KIAA1217: variants seen among roughly 807,000 people sequenced by gnomAD.
KIAA1217 encodes the protein KIAA1217.
A neutral mutation model predicts 163.9 loss-of-function variants in KIAA1217; 88 were observed. That is an observed-to-expected ratio of 0.54 (90% CI 0.45 to 0.64). KIAA1217 has a LOEUF of 0.64. Ranked by LOEUF, KIAA1217 falls within the 30% of genes least tolerant of loss-of-function variation. The pLI is 0.00. For missense variants in KIAA1217, 2,372 were observed against 2,475.0 expected, an observed-to-expected ratio of 0.96 and a Z score of 0.88; for synonymous variants, 903 against 923.1, an observed-to-expected ratio of 0.98 and a Z score of 0.39.
At chr10:23,739,820 A>T (rs943348814) in intron 1 of KIAA1217, among the ~76,000 whole-genome samples, 1 of 152,214 alleles carries the variant, frequency 6.6e-6, no homozygotes, top group African/African-American at 2.4e-5. Flanking sequence ...TGGCAATTAC[A>T]GCAGGTGGGA....
intron 1 of KIAA1217, among the ~76,000 whole-genome samples, chr10:23,707,209 T>C (rs1446351724): frequency 1.3e-5 from 2 of 152,102 alleles, no homozygotes; most frequent in Non-Finnish European, 2.9e-5. Context: ...CCTGGTGCTG[T>C]GAGAGCATAT....
At chr10:24,134,761 G>C (rs2063774244) in intron 2 of KIAA1217, among the ~76,000 whole-genome samples, 1 of 152,080 alleles carries the variant, frequency 6.6e-6, no homozygotes, top group East Asian at 1.9e-4. Context: ...ATATTTTGTA[G>C]AGACAGGGTC....
chr10:23,769,800 TTA>T (rs1834715415), intron 1 of KIAA1217, among the ~76,000 whole-genome samples: 1 of 152,182 alleles, frequency 6.6e-6, no homozygotes, highest in African/African-American at 2.4e-5. Context: ...AAAATGTGTT[TTA>T]TCAAAGGAGT....
chr10:24,305,784 T>C (rs2041942294), intron 2 of KIAA1217, among the ~76,000 whole-genome samples: 1 of 152,200 alleles, frequency 6.6e-6, no homozygotes, highest in Non-Finnish European at 1.5e-5. Flanking sequence ...TCAGGACGTG[T>C]CATCTTTGTG....
At position 24,543,295 on chromosome 10, in the gene KIAA1217, C is replaced by T. The variant is rs142383483; in HGVS notation, c.4025C>T (p.Thr1342Met). 96 of 1,613,956 alleles carry T rather than the reference C, an allele frequency of 5.9e-5. 1 individual carries two copies. The highest frequency in any genetic ancestry group is 2.4e-4 in the South Asian group (22 of 91,076). ...AAAACAGAAGATCAAGAGGTTATCACGACAGATTTTGGCCAAGTTGTTCTA... is the reference window on the plus strand; with the variant it reads ...AAAACAGAAGATCAAGAGGTTATCATGACAGATTTTGGCCAAGTTGTTCTA... ...DFKTEDQEVITTDFGQVVLRP... is the reference protein window; with the variant it reads ...DFKTEDQEVIMTDFGQVVLRP... Residue 1342 changes from threonine (T) to methionine (M), a missense_variant, in exon 19 of 21, where the codon ACG becomes ATG. Thr to Met is a moderately conservative substitution (Grantham distance 81). Coordinates refer to ENST00000376454, the MANE Select transcript of KIAA1217 (RefSeq NM_019590.5).
At chr10:24,056,167 T>C (rs1209339461) in intron 2 of KIAA1217, among the ~76,000 whole-genome samples, 2 of 152,038 alleles carry the variant, frequency 1.3e-5, no homozygotes, top group African/African-American at 4.8e-5. Flanking sequence ...AAGGAAATCT[T>C]GAGTCCAAAG....
intron 1 of KIAA1217, among the ~76,000 whole-genome samples, chr10:23,760,989 G>A (rs1834237088): frequency 6.6e-6 from 1 of 152,128 alleles, no homozygotes; most frequent in African/African-American, 2.4e-5. Context: ...GGCAGTGCAG[G>A]CCTGTAGTTC....
intron 1 of KIAA1217, among the ~76,000 whole-genome samples, chr10:23,782,442 T>C (rs1377857646): frequency 6.6e-6 from 1 of 152,188 alleles, no homozygotes; most frequent in Non-Finnish European, 1.5e-5. Flanking sequence ...GTTAATTTTA[T>C]TTATTTAGAG....
chr10:23,973,106 A>G (rs1202620682), intron 1 of KIAA1217, among the ~76,000 whole-genome samples: 2 of 152,230 alleles, frequency 1.3e-5, no homozygotes, highest in African/African-American at 4.8e-5. Context: ...TTGAAAAGCC[A>G]TCTTTGATTT....
intron 2 of KIAA1217, among the ~76,000 whole-genome samples, chr10:24,074,135 G>A (rs1028956834): frequency 1.3e-5 from 2 of 152,162 alleles, no homozygotes; most frequent in African/African-American, 4.8e-5. Context: ...CCTGAAGTCA[G>A]GAGTTTGAGA....
intron 1 of KIAA1217, among the ~76,000 whole-genome samples, chr10:23,812,894 C>T (rs575202847): frequency 6.6e-6 from 1 of 152,236 alleles, no homozygotes. Context: ...ATGAGTAATG[C>T]TGTTATGAAC....
At chr10:23,873,007 G>T (rs1840533899) in intron 1 of KIAA1217, among the ~76,000 whole-genome samples, 1 of 151,994 alleles carries the variant, frequency 6.6e-6, no homozygotes, top group Admixed American at 6.6e-5. Flanking sequence ...ACAAAAGTCT[G>T]TTAAAAAGCT....
intron 1 of KIAA1217, among the ~76,000 whole-genome samples, chr10:23,890,804 T>A (rs533983275): frequency 6.6e-6 from 1 of 152,130 alleles, no homozygotes; most frequent in South Asian, 2.1e-4. Context: ...TCCTTACTGA[T>A]TTTTTGCCTA....
intron 1 of KIAA1217, among the ~76,000 whole-genome samples, chr10:23,845,982 A>G (rs2131080155): frequency 6.6e-6 from 1 of 152,286 alleles, no homozygotes; most frequent in African/African-American, 2.4e-5. Flanking sequence ...CATTTATTGA[A>G]TAGGGAATCC....
At chr10:24,369,177 C>CTG (rs1330525924) in intron 2 of KIAA1217, among the ~76,000 whole-genome samples, 16 of 78,824 alleles carry the variant, frequency 2.0e-4, no homozygotes, top group African/African-American at 6.2e-4. Flanking sequence ...AGAACTTTCA[C>CTG]TATGTGTGTG....
chr10:24,242,838 G>A (rs773105893), intron 2 of KIAA1217, among the ~76,000 whole-genome samples: 1 of 152,154 alleles, frequency 6.6e-6, no homozygotes, highest in East Asian at 1.9e-4. Flanking sequence ...CTGATGATTA[G>A]TGACGTGGAG....
intron 1 of KIAA1217, among the ~76,000 whole-genome samples, chr10:23,752,940 T>G (rs1019873023): frequency 6.6e-6 from 1 of 152,180 alleles, no homozygotes; most frequent in Non-Finnish European, 1.5e-5. Flanking sequence ...CACCCCCATT[T>G]TACACAGAAG....
intron 1 of KIAA1217, among the ~76,000 whole-genome samples, chr10:23,768,766 G>A (rs1834661829): frequency 6.6e-6 from 1 of 152,290 alleles, no homozygotes; most frequent in Admixed American, 6.5e-5. Flanking sequence ...TGGGTTCAAG[G>A]ATTATTGACT....
chr10:23,871,307 T>C (rs7919049), intron 1 of KIAA1217, among the ~76,000 whole-genome samples: 52,594 of 151,892 alleles, frequency 0.35, 13,136 homozygotes, highest in African/African-American at 0.71. Flanking sequence ...GATAGTCAGT[T>C]TCTAGTTTCC....
Sources: gnomAD v4.1 joint callset for allele counts (sites outside exome capture counted in the v4.1 genomes callset) on GRCh38, gnomAD v4.1.1 for gene constraint, MANE v1.5 for transcripts, NCBI Gene and HGNC (gene_info 2026-07-23, HGNC 2026-07-21) for gene names.